ADAMTSL3: variants seen among roughly 807,000 people sequenced by gnomAD.
ADAMTSL3 encodes the protein ADAMTS like 3, also known as ADAMTS-like protein 3.
A neutral mutation model predicts 201.7 loss-of-function variants in ADAMTSL3; 128 were observed. That is an observed-to-expected ratio of 0.63 (90% CI 0.55 to 0.73). ADAMTSL3 has a LOEUF of 0.73. Ranked by LOEUF, ADAMTSL3 falls within the 30% of genes least tolerant of loss-of-function variation. ADAMTSL3 has a pLI of 0.00. For missense variants in ADAMTSL3, 1,990 were observed against 2,119.6 expected (o/e 0.94, Z 1.20); for synonymous variants, 738 against 748.4 (o/e 0.99, Z 0.23).
chr15:83,740,254 G>T (rs1009492406), intron 3 of ADAMTSL3: 2 of 156,528 alleles, frequency 1.3e-5, no homozygotes, highest in African/African-American at 4.8e-5. Context: ...AATATTGATT[G>T]GGTATTAGTA....
rs1033547175 is a variant in ADAMTSL3, at chr15:84,038,299, A to G, written c.*493A>G. ...AGATGTTGGCATTAATGGCATTTTCATAGATCCTTGGTTTAGTCTGTGAAA... is the reference window on the plus strand; with the variant it reads ...AGATGTTGGCATTAATGGCATTTTCGTAGATCCTTGGTTTAGTCTGTGAAA... On this transcript the variant is annotated 3_prime_UTR_variant, in exon 30 of 30. Transcript: ENST00000286744. 6.5e-6 allele frequency: 1 copy of G among 153,390 alleles called. No homozygotes were observed. Among genetic ancestry groups the G allele is most frequent in the African/African-American group, 2.4e-5 (1 of 41,462 alleles). The allele number at this position is 153,390 out of a possible 1,614,324, so 9.5% of individuals were successfully genotyped here. A position where few individuals can be genotyped will look rare whatever the true frequency, so the allele number is the denominator to read the frequency against.
chr15:83,848,408 G>A (rs1335777821), intron 7 of ADAMTSL3, among the ~76,000 whole-genome samples: 1 of 152,202 alleles, frequency 6.6e-6, no homozygotes, highest in East Asian at 1.9e-4. Flanking sequence ...TTTATTTCCT[G>A]TACATCTTGC....
chr15:84,008,026 C>A (rs1359888044), intron 23 of ADAMTSL3, among the ~76,000 whole-genome samples: 1 of 152,194 alleles, frequency 6.6e-6, no homozygotes, highest in African/African-American at 2.4e-5. Context: ...ACCAAACATT[C>A]TCCATACCAT....
chr15:83,927,712 T>C (rs2066274709), intron 17 of ADAMTSL3, among the ~76,000 whole-genome samples: 1 of 152,336 alleles, frequency 6.6e-6, no homozygotes, highest in Non-Finnish European at 1.5e-5. Context: ...AATTGCATAC[T>C]ACAACATAAA....
At chr15:83,794,161 A>G (rs1018323789) in intron 4 of ADAMTSL3, among the ~76,000 whole-genome samples, 1 of 152,228 alleles carries the variant, frequency 6.6e-6, no homozygotes, top group Admixed American at 6.5e-5. Flanking sequence ...ACAACAAGAA[A>G]TACTGGCAAG....
At chr15:83,998,660 C>T (rs953198926) in intron 23 of ADAMTSL3, among the ~76,000 whole-genome samples, 2 of 152,184 alleles carry the variant, frequency 1.3e-5, no homozygotes, top group African/African-American at 4.8e-5. Flanking sequence ...TTCATGTCCT[C>T]ATGGCCTCAG....
chr15:84,036,902 G>T lies in ADAMTSL3; in HGVS notation c.4884G>T (p.Arg1628Ser), dbSNP rs1308155074. 6.2e-7 allele frequency: 1 copy of T among 1,613,994 alleles called. No individual in the cohort carries two copies. The highest frequency in any genetic ancestry group is 1.3e-5 in the African/African-American group (1 of 74,904). The change falls in exon 29 of 30, where the codon AGG (arginine) becomes AGT (serine). Residue 1628 changes from arginine to serine, a missense_variant. Coordinates refer to ENST00000286744, the MANE Select transcript of ADAMTSL3 (RefSeq NM_207517.3). Reference protein sequence around the residue: ...QSRKVDCIHTRSCKPVAKRHC... With the variant: ...QSRKVDCIHTSSCKPVAKRHC... ...GGAAAGTCGACTGTATCCACACAAG[G>T]AGTTGCAAACCTGTGGCCAAGAGAC...
chr15:83,899,780 A>G (rs2065688302), intron 15 of ADAMTSL3, 49 bp downstream of exon 15: 7 of 1,579,050 alleles, frequency 4.4e-6, no homozygotes, highest in Non-Finnish European at 5.2e-6. Flanking sequence ...GCCAGTTAAC[A>G]TGATATATGT....
intron 4 of ADAMTSL3, among the ~76,000 whole-genome samples, chr15:83,804,013 T>C (rs2063562739): frequency 6.6e-6 from 1 of 151,950 alleles, no homozygotes; most frequent in Non-Finnish European, 1.5e-5. Context: ...CACGGGGGTG[T>C]GCGCCTGCAA....
chr15:83,767,976 A>G (rs2062919818), intron 3 of ADAMTSL3, among the ~76,000 whole-genome samples: 1 of 152,186 alleles, frequency 6.6e-6, no homozygotes, highest in Non-Finnish European at 1.5e-5. Flanking sequence ...AGCTGAGCAC[A>G]GTGGCTCGTA....
chr15:83,712,621 G>A (rs1271642515), intron 3 of ADAMTSL3, among the ~76,000 whole-genome samples: 1 of 152,184 alleles, frequency 6.6e-6, no homozygotes, highest in Non-Finnish European at 1.5e-5. Context: ...ATGATCCGGG[G>A]AGTGTTCAAG....
intron 4 of ADAMTSL3, among the ~76,000 whole-genome samples, chr15:83,801,233 A>G (rs1005785600): frequency 1.3e-5 from 2 of 152,198 alleles, no homozygotes; most frequent in African/African-American, 4.8e-5. Context: ...CCACAAATCA[A>G]GAAAGCGCAT....
rs566091470 is a variant in ADAMTSL3, at chr15:83,993,363, T to A, written c.3973+2149T>A. Among the ~76,000 whole-genome samples, 11 of 152,338 alleles carry A rather than the reference T, an allele frequency of 7.2e-5. 1 individual carries two copies. In the South Asian group the frequency reaches 2.3e-3, roughly 32 times the overall value. ...TCATCCAATTCAGTTTTTCATCTTA[T>A]AGATGAGTACATTAAAACATAATTT... On this transcript the variant is annotated intron_variant, in intron 23 of 29. Coordinates refer to ENST00000286744, the MANE Select transcript of ADAMTSL3 (RefSeq NM_207517.3).
rs552085719 is a variant in ADAMTSL3 at position 83,756,016 on chromosome 15, C to T, written c.190-17507C>T. Among the ~76,000 whole-genome samples, 48 of 152,352 alleles carry T rather than the reference C, an allele frequency of 3.2e-4. No homozygotes were observed. The East Asian group carries it at 4.4e-3, about 14-fold the overall frequency. ...CCTGAGGTGATTCACCTGCCTTGGC[C>T]TCCCAAAGTGCTGGGATTACAGGCA... is the stretch of plus-strand genomic sequence containing the variant. On this transcript the variant is annotated intron_variant, in intron 3 of 29. Transcript: ENST00000286744.
intron 23 of ADAMTSL3, among the ~76,000 whole-genome samples, chr15:84,002,936 C>CTTTTTTTT (rs368176543): frequency 4.7e-4 from 47 of 99,972 alleles, no homozygotes; most frequent in Admixed American, 6.5e-4. Context: ...CTTTTCTTTT[C>CTTTTTTTT]TTTTTTTTTT....
rs536512512 is a variant in ADAMTSL3 at position 83,953,900 on chromosome 15, T to C, written c.2490+10818T>C. The stretch of plus-strand genomic sequence containing the variant: ...TAAGGTTTCCACTGAAAAGTCTGTT[T>C]CCAGACTTATTAGAACCCCATTGTG... On this transcript the variant is annotated intron_variant, in intron 19 of 29. Coordinates refer to ENST00000286744, the MANE Select transcript of ADAMTSL3 (RefSeq NM_207517.3). Among the ~76,000 whole-genome samples, 5 of 152,340 alleles carry C rather than the reference T, an allele frequency of 3.3e-5. No homozygotes were observed. The South Asian group carries it at 1.0e-3, about 32-fold the overall frequency.
At chr15:83,739,351 C>T (rs2062417963) in intron 3 of ADAMTSL3, among the ~76,000 whole-genome samples, 1 of 150,552 alleles carries the variant, frequency 6.6e-6, no homozygotes, top group Non-Finnish European at 1.5e-5. Context: ...GTTGAGCACC[C>T]TGAAACTTTT....
intron 7 of ADAMTSL3, among the ~76,000 whole-genome samples, chr15:83,849,881 C>G (rs1301603761): frequency 6.6e-6 from 1 of 152,030 alleles, no homozygotes; most frequent in Non-Finnish European, 1.5e-5. Context: ...AGAAAAATCC[C>G]CTGTAGTTAT....
chr15:83,867,491 A>G (rs1026869991), intron 8 of ADAMTSL3, among the ~76,000 whole-genome samples: 1 of 152,200 alleles, frequency 6.6e-6, no homozygotes, highest in Non-Finnish European at 1.5e-5. Context: ...TTAAGAAGCC[A>G]AGAGGTCATA....
Sources: allele counts gnomAD v4.1 joint callset (sites outside exome capture counted in the v4.1 genomes callset), GRCh38; gene constraint gnomAD v4.1.1; transcripts MANE v1.5; gene names NCBI Gene and HGNC (gene_info 2026-07-23, HGNC 2026-07-21).